The following BTAF1 variants were observed in gnomAD, a reference collection of about 807,000 sequenced individuals.
BTAF1 encodes the protein TATA-binding protein-associated factor 172.
BTAF1 carries 38 observed loss-of-function variants against 227.1 expected under a neutral mutation model. The ratio of observed to expected loss-of-function variants is 0.17; its 90% CI spans 0.13 to 0.22. The LOEUF is 0.22. Ranked by LOEUF, BTAF1 falls within the 10% of genes least tolerant of loss-of-function variation. BTAF1 has a pLI of 1.00. For missense variants in BTAF1, 1,598 were observed against 2,204.0 expected (o/e 0.73, Z 5.51); for synonymous variants, 742 against 751.9 (o/e 0.99, Z 0.21).
intron 3 of BTAF1, among the ~76,000 whole-genome samples, chr10:91,941,673 T>C (rs1845007826): frequency 6.6e-6 from 1 of 152,242 alleles, no homozygotes; most frequent in Non-Finnish European, 1.5e-5. Flanking sequence ...GCCTTATTCA[T>C]GAATACATTC....
At chr10:91,971,257 T>A (rs1231701803) in intron 14 of BTAF1, among the ~76,000 whole-genome samples, 1 of 152,190 alleles carries the variant, frequency 6.6e-6, no homozygotes, top group African/African-American at 2.4e-5. Context: ...CTGAAAGAGA[T>A]GCTGTCTGTG....
chr10:91,952,771 C>G (rs972021433), intron 5 of BTAF1, among the ~76,000 whole-genome samples: 3 of 151,600 alleles, frequency 2.0e-5, no homozygotes, highest in Admixed American at 2.0e-4. Flanking sequence ...ACAGCAACAC[C>G]CTGAAAGGAA....
intron 26 of BTAF1, 82 bp downstream of exon 26, chr10:92,008,357 T>A: frequency 7.6e-7 from 1 of 1,322,764 alleles, no homozygotes; most frequent in Non-Finnish European, 1.0e-6. Flanking sequence ...TTTTGTTTCT[T>A]TTTTGAGACA....
intron 13 of BTAF1, 85 bp downstream of exon 13, chr10:91,964,286 G>T: frequency 7.0e-7 from 1 of 1,430,228 alleles, no homozygotes. Context: ...CAATATTTTA[G>T]CACCTTTAAG....
At position 91,992,317 on chromosome 10, in the gene BTAF1, G is replaced by GTTTTT; in HGVS notation, c.3045+19_3045+23dup. 4 of 1,406,696 alleles carry GTTTTT rather than the reference G, an allele frequency of 2.8e-6. No individual in the cohort carries two copies. Among genetic ancestry groups the GTTTTT allele is most frequent in the South Asian group, 3.0e-5 (2 of 67,214 alleles). The allele number at this position is 1,406,696 out of a possible 1,614,324, so 87.1% of individuals were successfully genotyped here. A position where few individuals can be genotyped will look rare whatever the true frequency, so the allele number is the denominator to read the frequency against. ...CTTGTTGAACTTGATGAGGTAAGTAGTTTTTTTTTTTTTTTAATGCTTTGA... is the reference window on the plus strand; with the variant it reads ...CTTGTTGAACTTGATGAGGTAAGTAGTTTTTTTTTTTTTTTTTTTTAATGCTTTGA... On this transcript the variant is annotated intron_variant, in intron 21 of 37. Transcript: ENST00000265990.
intron 25 of BTAF1, among the ~76,000 whole-genome samples, chr10:92,002,803 A>G (rs1849635622): frequency 6.6e-6 from 1 of 152,160 alleles, no homozygotes; most frequent in Non-Finnish European, 1.5e-5. Flanking sequence ...GAGAGACATC[A>G]TAGGACAGTA....
At position 91,998,517 on chromosome 10, in the gene BTAF1, G is replaced by A. The variant is rs1849290309; in HGVS notation, c.3660+766G>A. Among the ~76,000 whole-genome samples the A allele has an allele frequency of 5.9e-5, 9 of 152,024 alleles. No individual in the cohort carries two copies. In the South Asian group the frequency reaches 1.9e-3, roughly 32 times the overall value. ...TAGAAGGATCATGTTGGAGTATTTC[G>A]GAGTACATTCATGGGGGCACAAATA... is the stretch of plus-strand genomic sequence containing the variant. On this transcript the variant is annotated intron_variant, in intron 25 of 37. Coordinates refer to ENST00000265990, the MANE Select transcript of BTAF1 (RefSeq NM_003972.3).
chr10:91,948,496 C>T (rs1329995476), intron 4 of BTAF1, among the ~76,000 whole-genome samples: 1 of 151,420 alleles, frequency 6.6e-6, no homozygotes, highest in Non-Finnish European at 1.5e-5. Context: ...CTCAAGCAAT[C>T]CTCCCATCTT....
intron 32 of BTAF1, 36 bp downstream of exon 32, chr10:92,014,065 G>A: frequency 1.9e-6 from 3 of 1,582,282 alleles, no homozygotes; most frequent in Non-Finnish European, 2.6e-6. Context: ...TTAGTGGTAT[G>A]TTTATTAGCA....
At chr10:92,014,085 GTAT>G in intron 32 of BTAF1, 56 bp downstream of exon 32, 1 of 1,538,298 alleles carries the variant, frequency 6.5e-7, no homozygotes, top group South Asian at 1.2e-5. Flanking sequence ...AGATTGTTTT[GTAT>G]GAGCCACAAA....
At chr10:91,996,656 T>C (rs1270341057) in intron 24 of BTAF1, 86 bp downstream of exon 24, 8 of 1,302,036 alleles carry the variant, frequency 6.1e-6, no homozygotes, top group African/African-American at 2.9e-5. Flanking sequence ...TGTTCTAATA[T>C]GCACATAAAT....
Position 91,974,972 on chromosome 10 carries a change from C to T in BTAF1, c.1651-5482C>T, listed in dbSNP as rs1589851567. Among the ~76,000 whole-genome samples, 8 of 152,276 alleles carry T rather than the reference C, an allele frequency of 5.3e-5. 2 individuals carry two copies. Among genetic ancestry groups the T allele is most frequent in the Admixed American group, 5.2e-4 (8 of 15,288 alleles). On this transcript the variant is annotated intron_variant, in intron 14 of 37. Coordinates refer to ENST00000265990, the MANE Select transcript of BTAF1 (RefSeq NM_003972.3). ...GGAATTTACCATTTGTTTGTCCTTT[C>T]TATATTGTCTCTTTAGCCAGTGTGT...
chr10:91,972,417 T>C (rs1847371137), intron 14 of BTAF1, among the ~76,000 whole-genome samples: 1 of 152,228 alleles, frequency 6.6e-6, no homozygotes, highest in Admixed American at 6.5e-5. Context: ...TAGCTCCGTT[T>C]CTTCCTCTCT....
At chr10:91,943,966 C>CTGTTT (rs1845192027) in intron 4 of BTAF1, among the ~76,000 whole-genome samples, 1 of 152,072 alleles carries the variant, frequency 6.6e-6, no homozygotes, top group African/African-American at 2.4e-5. Context: ...GCCTGGCCAA[C>CTGTTT]ATGGTGAAAC....
intron 24 of BTAF1, among the ~76,000 whole-genome samples, 166 bp from the exon 25 acceptor site, chr10:91,997,437 C>G (rs1157830668): frequency 1.3e-5 from 2 of 152,170 alleles, no homozygotes; most frequent in Non-Finnish European, 2.9e-5. Context: ...ACAAAATGGG[C>G]AGATACTTTT....
At chr10:91,931,418 C>T (rs1056101674) in intron 1 of BTAF1, among the ~76,000 whole-genome samples, 3 of 152,180 alleles carry the variant, frequency 2.0e-5, no homozygotes, top group African/African-American at 7.2e-5. Context: ...CATCTGTTAC[C>T]TGTGTCTCCT....
At chr10:91,935,303 A>G (rs951954221) in intron 1 of BTAF1, 1 of 164,146 alleles carries the variant, frequency 6.1e-6, no homozygotes, top group Non-Finnish European at 1.3e-5. Context: ...ATTGTTGTTT[A>G]GTCACTCTGC....
intron 4 of BTAF1, among the ~76,000 whole-genome samples, chr10:91,944,672 A>G (rs1012284949): frequency 6.6e-6 from 1 of 152,214 alleles, no homozygotes; most frequent in Non-Finnish European, 1.5e-5. Context: ...CATTTTCGTC[A>G]CTTTAAGAAG....
At chr10:91,946,164 G>T (rs1845346867) in intron 4 of BTAF1, among the ~76,000 whole-genome samples, 1 of 152,142 alleles carries the variant, frequency 6.6e-6, no homozygotes, top group Non-Finnish European at 1.5e-5. Flanking sequence ...TTTGAGACCA[G>T]CCTGACCAAC....
Sources: allele counts gnomAD v4.1 joint callset (sites outside exome capture counted in the v4.1 genomes callset), GRCh38; gene constraint gnomAD v4.1.1; transcripts MANE v1.5; gene names NCBI Gene and HGNC (gene_info 2026-07-23, HGNC 2026-07-21).